The following CLCN5 variants were observed in gnomAD, a reference collection of about 807,000 sequenced individuals.
The protein encoded by CLCN5 is Cl-/H+ antiporter 5.
In CLCN5, 17 loss-of-function variants were observed where a neutral mutation model predicts 54.0. The ratio of observed to expected loss-of-function variants is 0.31; its 90% confidence interval spans 0.22 to 0.47. The LOEUF (loss-of-function observed/expected upper bound fraction) is 0.47, where lower values mean the gene tolerates loss of function less well. CLCN5 is among the 20% of genes least tolerant of loss of function. The probability of loss-of-function intolerance (pLI) is 1.00; values close to 1 mark genes in which losing one functional copy is unlikely to be tolerated. For missense variants in CLCN5, 448 were observed against 646.7 expected (o/e 0.69, Z 3.33); for synonymous variants, 222 against 233.0 (o/e 0.95, Z 0.43).
chrX:50,084,661 G>A lies in CLCN5; in HGVS notation c.934-1319G>A, dbSNP rs140151568. Among the ~76,000 whole-genome samples, 175 of 112,097 alleles carry A rather than the reference G, an allele frequency of 1.6e-3. 1 individual carries two copies. The highest frequency in any genetic ancestry group is 1.4e-3 in the Non-Finnish European group (77 of 53,261). ...AGCCTCCCAAAGTGCTGGGATTACA[G>A]GCATGAGCCACCACAACCGGCTAGT... On this transcript the variant is annotated intron_variant, in intron 9 of 14. Transcript: ENST00000376091.
chrX:50,051,453 G>T (rs1338174986), intron 4 of CLCN5, among the ~76,000 whole-genome samples: 1 of 112,073 alleles, frequency 8.9e-6, no homozygotes, highest in African/African-American at 3.2e-5. Context: ...ATGAGGTAGT[G>T]TGAGCCTTCC....
chrX:50,002,677 C>G (rs201052728), intron 3 of CLCN5, among the ~76,000 whole-genome samples: 4 of 101,026 alleles, frequency 4.0e-5, no homozygotes, highest in African/African-American at 7.5e-5. Flanking sequence ...CTCTCTCTCT[C>G]TCTCTGTGTG....
chrX:49,975,585 C>T (rs1007018916), intron 3 of CLCN5, among the ~76,000 whole-genome samples: 4 of 110,865 alleles, frequency 3.6e-5, no homozygotes, highest in Non-Finnish European at 7.6e-5. Flanking sequence ...TCCCTTTTGT[C>T]TAGCCAACTC....
At chrX:50,056,841 C>T (rs1055236603) in intron 4 of CLCN5, among the ~76,000 whole-genome samples, 2 of 112,073 alleles carry the variant, frequency 1.8e-5, no homozygotes, top group African/African-American at 6.5e-5. Context: ...CATGCCCAAC[C>T]TTCCTGTTTT....
In CLCN5 at chrX:50,067,756, T is replaced by A. The variant is rs782689226; in HGVS notation, c.164-2123T>A. 10 of 748,613 alleles carry A rather than the reference T, an allele frequency of 1.3e-5. No homozygotes were observed. The South Asian group carries it at 6.9e-4, about 51-fold the overall frequency. 61.7% of individuals were successfully genotyped at this position (748,613 alleles called of 1,213,427 possible). On this transcript the variant is annotated intron_variant, in intron 4 of 14. Transcript: ENST00000376091. ...AGGCAGAAAAAAAGAAAACTGTGAT[T>A]GAAGGTAAGCAGACTTGAGCCTGAC...
At chrX:49,925,788 A>G (rs1557167933) in intron 3 of CLCN5, among the ~76,000 whole-genome samples, 3 of 112,460 alleles carry the variant, frequency 2.7e-5, no homozygotes, top group Non-Finnish European at 5.6e-5. Context: ...TATATTTGAT[A>G]CAATATAAAC....
At chrX:49,965,759 C>T (rs1410417011) in intron 3 of CLCN5, among the ~76,000 whole-genome samples, 1 of 112,076 alleles carries the variant, frequency 8.9e-6, no homozygotes, top group Non-Finnish European at 1.9e-5. Context: ...TGTAGTTGCC[C>T]TTTATCCGCT....
chrX:49,987,493 T>C (rs1354626258), intron 3 of CLCN5, among the ~76,000 whole-genome samples: 1 of 111,878 alleles, frequency 8.9e-6, no homozygotes, highest in African/African-American at 3.2e-5. Context: ...GTATAAAAAG[T>C]CTATTAAATA....
intron 3 of CLCN5, among the ~76,000 whole-genome samples, chrX:49,978,828 G>A (rs781813805): frequency 8.9e-6 from 1 of 111,753 alleles, no homozygotes; most frequent in African/African-American, 3.3e-5. Flanking sequence ...TCTCCCAAGA[G>A]GGTGGACTTT....
chrX:49,950,669 T>C (rs782554115), intron 3 of CLCN5, among the ~76,000 whole-genome samples: 1 of 111,970 alleles, frequency 8.9e-6, no homozygotes, highest in East Asian at 2.8e-4. Context: ...ATGTTCTGTA[T>C]TGATTACATG....
At chrX:50,033,377 GACAA>G (rs782680557) in intron 3 of CLCN5, among the ~76,000 whole-genome samples, 1,169 of 111,308 alleles carry the variant, frequency 0.011, 10 homozygotes, top group African/African-American at 0.036. Flanking sequence ...ACCAATAACA[GACAA>G]ACAGAGAGCC....
intron 3 of CLCN5, among the ~76,000 whole-genome samples, chrX:49,936,379 G>T (rs951158851): frequency 1.8e-5 from 2 of 111,624 alleles, no homozygotes; most frequent in South Asian, 7.4e-4. Context: ...AGTGGTGCCA[G>T]GAGCAGTATA....
chrX:50,041,469 C>T (rs920824759), intron 3 of CLCN5, among the ~76,000 whole-genome samples: 6 of 110,708 alleles, frequency 5.4e-5, no homozygotes, highest in African/African-American at 9.9e-5. Flanking sequence ...TTCTTAAGAA[C>T]AGCATTGAAT....
At chrX:50,028,224 T>G (rs1184984739) in intron 3 of CLCN5, among the ~76,000 whole-genome samples, 1 of 111,829 alleles carries the variant, frequency 8.9e-6, no homozygotes, top group African/African-American at 3.3e-5. Context: ...CCAAGTTGAT[T>G]AGGCCCTGGT....
rs781944155 is a variant in CLCN5, at chrX:50,075,829, T to C, written c.450T>C (p.His150=). 5.8e-5 allele frequency: 70 copies of C among 1,209,900 alleles called. 1 individual carries two copies. Among genetic ancestry groups the C allele is most frequent in the African/African-American group, 3.0e-4 (17 of 57,159 alleles). ...CTGGTTTGATAGACATCTCTGCTCA[T>C]TGGATGACAGACTTAAAAGAAGGTA... ...SLAGLIDISA[H]WMTDLKEGIC... Residue 150 remains histidine (H), a synonymous_variant, in exon 7 of 15, where the codon CAT becomes CAC. Coordinates refer to ENST00000376091, the MANE Select transcript of CLCN5 (RefSeq NM_001127898.4).
chrX:49,983,278 T>C (rs1928836033), intron 3 of CLCN5, among the ~76,000 whole-genome samples: 1 of 112,295 alleles, frequency 8.9e-6, no homozygotes, highest in African/African-American at 3.2e-5. Flanking sequence ...TATGCTGTAG[T>C]ATAAACAGTT....
chrX:49,955,338 A>G lies in CLCN5; in HGVS notation c.16+30024A>G, dbSNP rs1227993174. Among the ~76,000 whole-genome samples, 3 of 110,783 alleles carry G rather than the reference A, an allele frequency of 2.7e-5. No individual in the cohort carries two copies. In the East Asian group the frequency reaches 8.6e-4, roughly 32 times the overall value. On this transcript the variant is annotated intron_variant, in intron 3 of 14. Coordinates refer to ENST00000376091, the MANE Select transcript of CLCN5 (RefSeq NM_001127898.4). Reference sequence around the variant, plus strand: ...CTCCAACCAGAACCCTGAGGATGGGAATACACATATCTGTAGACACCCAAC... The same window carrying G: ...CTCCAACCAGAACCCTGAGGATGGGGATACACATATCTGTAGACACCCAAC...
intron 3 of CLCN5, among the ~76,000 whole-genome samples, chrX:49,988,991 T>G (rs1438702666): frequency 9.0e-6 from 1 of 111,046 alleles, no homozygotes; most frequent in East Asian, 2.8e-4. Context: ...CCAGGTGGGT[T>G]CACGCTGCAA....
At chrX:50,034,857 A>G (rs1931912898) in intron 3 of CLCN5, among the ~76,000 whole-genome samples, 1 of 110,598 alleles carries the variant, frequency 9.0e-6, no homozygotes, top group South Asian at 4.0e-4. Context: ...ACCTACATTG[A>G]AATTGGAAAT....
Sources: allele counts gnomAD v4.1 joint callset (sites outside exome capture counted in the v4.1 genomes callset), GRCh38; gene constraint gnomAD v4.1.1; transcripts MANE v1.5; gene names NCBI Gene and HGNC (gene_info 2026-07-23, HGNC 2026-07-21).